DLGAP1: variants seen among roughly 807,000 people sequenced by gnomAD.
DLGAP1 encodes the protein disks large-associated protein 1.
Under a neutral mutation model 90.8 loss-of-function variants are expected in DLGAP1, and 11 were observed. The ratio of observed to expected loss-of-function variants is 0.12; its 90% CI spans 0.08 to 0.20. The LOEUF (loss-of-function observed/expected upper bound fraction) is 0.20, where lower values mean the gene tolerates loss of function less well. Ranked by LOEUF, DLGAP1 falls within the 10% of genes least tolerant of loss-of-function variation. The pLI, the probability that DLGAP1 is intolerant of heterozygous loss-of-function variation, is 1.00. For missense variants in DLGAP1, 1,050 were observed against 1,333.8 expected, an observed-to-expected ratio of 0.79 and a Z score of 3.31; for synonymous variants, 558 against 540.7, an observed-to-expected ratio of 1.03 and a Z score of -0.44.
intron 1 of DLGAP1, among the ~76,000 whole-genome samples, chr18:4,184,323 T>C (rs1467654283): frequency 6.6e-6 from 1 of 152,134 alleles, no homozygotes; most frequent in Non-Finnish European, 1.5e-5. Flanking sequence ...AATAATTATT[T>C]ACATTTATTA....
chr18:4,316,915 A>G (rs908250366), intron 1 of DLGAP1, among the ~76,000 whole-genome samples: 1 of 151,962 alleles, frequency 6.6e-6, no homozygotes, highest in Non-Finnish European at 1.5e-5. Flanking sequence ...GTTGCCCCCG[A>G]CCTTGCAGGA....
intron 4 of DLGAP1, among the ~76,000 whole-genome samples, chr18:3,852,392 A>G (rs908684267): frequency 6.6e-6 from 1 of 152,206 alleles, no homozygotes; most frequent in Non-Finnish European, 1.5e-5. Flanking sequence ...TAAGATACCA[A>G]GTTAGAAGGC....
At chr18:4,202,727 G>A (rs2077631382) in intron 1 of DLGAP1, among the ~76,000 whole-genome samples, 1 of 152,094 alleles carries the variant, frequency 6.6e-6, no homozygotes, top group South Asian at 2.1e-4. Context: ...ATTCAGGAAT[G>A]TTTAACAAAA....
intron 1 of DLGAP1, among the ~76,000 whole-genome samples, chr18:4,219,388 T>C (rs1212086122): frequency 6.6e-6 from 1 of 152,106 alleles, no homozygotes; most frequent in Non-Finnish European, 1.5e-5. Flanking sequence ...TAGCCCCTTA[T>C]CAGATATATG....
Position 3,633,169 on chromosome 18 carries a change from G to A in DLGAP1, c.1592-50921C>T, listed in dbSNP as rs115121297. 7.3e-3 allele frequency among the ~76,000 whole-genome samples: 1,114 copies of A among 152,194 alleles called. 18 individuals carry two copies. The highest frequency in any genetic ancestry group is 0.025 in the African/African-American group (1,020 of 41,514). On this transcript the variant is annotated intron_variant, in intron 7 of 12. Coordinates refer to ENST00000315677, the MANE Select transcript of DLGAP1 (RefSeq NM_004746.4). ...TCCCAGCACTCTGGGAGGCCAAGGC[G>A]AGCAAATCATTCGGTCAAGACATTG...
chr18:3,788,806 G>GA (rs1364376713), intron 5 of DLGAP1, among the ~76,000 whole-genome samples: 1 of 151,698 alleles, frequency 6.6e-6, no homozygotes, highest in Admixed American at 6.6e-5. Context: ...ATGTTTAAGT[G>GA]AAAAAAGGGT....
intron 1 of DLGAP1, among the ~76,000 whole-genome samples, chr18:4,225,290 C>G (rs986462393): frequency 6.6e-6 from 1 of 151,886 alleles, no homozygotes; most frequent in Non-Finnish European, 1.5e-5. Context: ...ATCACAATAC[C>G]CACATCCCAT....
intron 11 of DLGAP1, among the ~76,000 whole-genome samples, chr18:3,504,377 TA>T (rs1028466803): frequency 6.6e-5 from 10 of 152,192 alleles, no homozygotes; most frequent in African/African-American, 2.4e-4. Context: ...AATTTATAGA[TA>T]TATCTGTTTA....
At chr18:4,156,716 C>G (rs1396520143) in intron 1 of DLGAP1, among the ~76,000 whole-genome samples, 1 of 151,996 alleles carries the variant, frequency 6.6e-6, no homozygotes, top group Non-Finnish European at 1.5e-5. Flanking sequence ...ATCTATAGAC[C>G]TAAAAAAACC....
chr18:4,439,462 G>A (rs1285788318), intron 1 of DLGAP1, among the ~76,000 whole-genome samples: 1 of 152,210 alleles, frequency 6.6e-6, no homozygotes. Flanking sequence ...ACAGGGTGCT[G>A]AGAAAGAGAA....
chr18:3,880,855 A>G (rs1343676516), intron 3 of DLGAP1, among the ~76,000 whole-genome samples: 1 of 144,852 alleles, frequency 6.9e-6, no homozygotes, highest in East Asian at 2.4e-4. Context: ...AGGCAGGAGA[A>G]TTGCTTGAAC....
intron 1 of DLGAP1, among the ~76,000 whole-genome samples, chr18:4,263,210 G>A (rs566141042): frequency 5.9e-5 from 9 of 152,292 alleles, no homozygotes; most frequent in Admixed American, 1.3e-4. Context: ...GGGATTACAG[G>A]TGTGAGGCAC....
chr18:3,565,828 C>T lies in DLGAP1; in HGVS notation c.2057+1662G>A, dbSNP rs2054395678. The stretch of plus-strand genomic sequence containing the variant: ...CCAGCCTGGGCGACAGAGTGAGACT[C>T]TGTCTCAAAAAAACCACACACAAAA... On this transcript the variant is annotated intron_variant, in intron 9 of 12. Transcript: ENST00000315677. The surrounding 1 kb of genome is among the most constrained non-coding windows in gnomAD (Gnocchi z 4.0). Among the ~76,000 whole-genome samples the T allele has an allele frequency of 6.6e-6, 1 of 151,606 alleles. No homozygotes were observed. The highest frequency in any genetic ancestry group is 2.4e-5 in the African/African-American group (1 of 41,172).
chr18:3,559,151 C>T (rs1442893265), intron 9 of DLGAP1, among the ~76,000 whole-genome samples: 2 of 152,138 alleles, frequency 1.3e-5, no homozygotes, highest in Admixed American at 6.5e-5. Flanking sequence ...GAGTTGTGGC[C>T]GAGATTCATT....
chr18:3,694,332 G>T (rs1030555865), intron 7 of DLGAP1, among the ~76,000 whole-genome samples: 10 of 152,120 alleles, frequency 6.6e-5, no homozygotes, highest in African/African-American at 2.4e-4. Flanking sequence ...ATTGTGAATA[G>T]TGCTGCAATA....
chr18:4,192,497 A>AC (rs2077420293), intron 1 of DLGAP1, among the ~76,000 whole-genome samples: 1 of 152,142 alleles, frequency 6.6e-6, no homozygotes, highest in Non-Finnish European at 1.5e-5. Context: ...TTATCCTGTA[A>AC]CCCCAACTAA....
At chr18:3,548,455 A>G (rs1418709843) in intron 9 of DLGAP1, among the ~76,000 whole-genome samples, 1 of 146,846 alleles carries the variant, frequency 6.8e-6, no homozygotes, top group Non-Finnish European at 1.5e-5. Flanking sequence ...GGCATCTATA[A>G]AAAGAAAAAA....
chr18:4,094,579 A>C (rs1419842137), intron 2 of DLGAP1, among the ~76,000 whole-genome samples: 3 of 141,088 alleles, frequency 2.1e-5, no homozygotes, highest in Non-Finnish European at 4.7e-5. Context: ...TATATATTTT[A>C]TCTTCCTTCC....
intron 3 of DLGAP1, among the ~76,000 whole-genome samples, chr18:3,898,627 G>T (rs545307408): frequency 3.5e-4 from 53 of 152,308 alleles, no homozygotes; most frequent in African/African-American, 1.1e-3. Context: ...GGGGATGGGG[G>T]TGGCAAGCTG....
Sources: gnomAD v4.1 joint callset for allele counts (sites outside exome capture counted in the v4.1 genomes callset) on GRCh38, gnomAD v4.1.1 for gene constraint, Gnocchi (gnomAD v3.1) non-coding constraint, MANE v1.5 for transcripts, NCBI Gene and HGNC (gene_info 2026-07-23, HGNC 2026-07-21) for gene names.